Variants in PTPRM observed in about 807,000 individuals in gnomAD.
The protein encoded by PTPRM is receptor-type tyrosine-protein phosphatase mu.
A neutral mutation model predicts 186.7 loss-of-function variants in PTPRM; 47 were observed. The observed-to-expected ratio is 0.25, with a 90% CI of 0.20 to 0.32. PTPRM has a LOEUF of 0.32. PTPRM is among the 10% of genes least tolerant of loss of function. The pLI, the probability that PTPRM is intolerant of heterozygous loss-of-function variation, is 1.00. For synonymous variants in PTPRM, 668 were observed against 674.9 expected, an observed-to-expected ratio of 0.99 and a Z score of 0.16; for missense variants, 1,494 against 1,865.0, an observed-to-expected ratio of 0.80 and a Z score of 3.66.
intron 7 of PTPRM, among the ~76,000 whole-genome samples, chr18:7,992,800 C>G (rs1220989869): frequency 6.6e-6 from 1 of 151,632 alleles, no homozygotes; most frequent in South Asian, 2.1e-4. Flanking sequence ...AAATAAAGAC[C>G]CAAAAACCTT....
At chr18:8,223,019 T>C (rs1353304667) in intron 14 of PTPRM, among the ~76,000 whole-genome samples, 1 of 151,962 alleles carries the variant, frequency 6.6e-6, no homozygotes, top group Non-Finnish European at 1.5e-5. Flanking sequence ...AGGTCAGGAG[T>C]TCGAGACCAG....
chr18:8,069,918 C>T lies in PTPRM; in HGVS notation c.1365C>T (p.Val455=). The change falls in exon 8 of 33, where the codon GTC becomes GTT. Residue 455 remains valine, a synonymous_variant. Transcript: ENST00000580170. ...TITNLSPYTN[V]SVKLILMNPE... ...CTAACCTGTCACCATACACCAATGT[C>T]AGTGTGAAACTGATCCTCATGAACC... 1 of 1,613,996 alleles carries T rather than the reference C, an allele frequency of 6.2e-7. No individual in the cohort carries two copies. The highest frequency in any genetic ancestry group is 8.5e-7 in the Non-Finnish European group (1 of 1,179,874).
In PTPRM at chr18:7,567,644, C is replaced by T; in HGVS notation, c.-175C>T. The T allele has an allele frequency of 1.9e-6, 1 of 538,502 alleles. No individual in the cohort carries two copies. The highest frequency in any genetic ancestry group is 3.1e-6 in the Non-Finnish European group (1 of 320,332). The allele number at this position is 538,502 out of a possible 1,614,324, so 33.4% of individuals were successfully genotyped here. A position where few individuals can be genotyped will look rare whatever the true frequency, so the allele number is the denominator to read the frequency against. On this transcript the variant is annotated 5_prime_UTR_variant, in exon 1 of 33. Transcript: ENST00000580170. This position sits in a 1 kb window ranked among gnomAD's most constrained non-coding sequence, Gnocchi z 4.3. ...GGACCCAGGACCCTGTGCCCGCGCC[C>T]CTGGAGCCGCTGGAGTTCGGACTTC...
intron 7 of PTPRM, among the ~76,000 whole-genome samples, chr18:8,023,903 G>A (rs1394077995): frequency 6.7e-6 from 1 of 149,558 alleles, no homozygotes; most frequent in East Asian, 1.9e-4. Flanking sequence ...ACCATTTTCT[G>A]GCTTTGGATT....
chr18:7,746,859 G>T (rs753188944), intron 1 of PTPRM, among the ~76,000 whole-genome samples: 1 of 152,118 alleles, frequency 6.6e-6, no homozygotes, highest in Admixed American at 6.5e-5. Context: ...TGGTTCTGTG[G>T]CCAGCTTGCT....
At chr18:8,344,956 C>G (rs2148278558) in intron 23 of PTPRM, among the ~76,000 whole-genome samples, 1 of 152,166 alleles carries the variant, frequency 6.6e-6, no homozygotes, top group East Asian at 1.9e-4. Context: ...CCAGCCAGCC[C>G]AGGGAATTGG....
intron 2 of PTPRM, among the ~76,000 whole-genome samples, chr18:7,845,964 T>C (rs1056671598): frequency 6.6e-6 from 1 of 152,184 alleles, no homozygotes; most frequent in Non-Finnish European, 1.5e-5. Context: ...CTGACCCTAT[T>C]TGAAACAGCT....
At chr18:7,913,374 T>A (rs1386261985) in intron 4 of PTPRM, among the ~76,000 whole-genome samples, 3 of 152,168 alleles carry the variant, frequency 2.0e-5, no homozygotes, top group African/African-American at 7.2e-5. Flanking sequence ...AGTACAATGT[T>A]GAATAGAAGC....
chr18:8,007,110 C>T (rs1600026409), intron 7 of PTPRM, among the ~76,000 whole-genome samples: 2 of 152,166 alleles, frequency 1.3e-5, no homozygotes, highest in African/African-American at 2.4e-5. Context: ...CTTGCTGATT[C>T]TGAATCTCAG....
At chr18:7,871,386 A>C (rs1599186810) in intron 2 of PTPRM, among the ~76,000 whole-genome samples, 1 of 152,160 alleles carries the variant, frequency 6.6e-6, no homozygotes, top group Non-Finnish European at 1.5e-5. Context: ...TGCGTTAGCC[A>C]TTGTTTTCTG....
chr18:7,707,537 GT>G (rs1269255931), intron 1 of PTPRM, among the ~76,000 whole-genome samples: 15 of 152,060 alleles, frequency 9.9e-5, no homozygotes, highest in Non-Finnish European at 2.1e-4. Context: ...TACTCAGGAG[GT>G]TGAGGTGGGG....
chr18:8,107,647 C>G (rs1166833611), intron 11 of PTPRM, among the ~76,000 whole-genome samples: 1 of 152,154 alleles, frequency 6.6e-6, no homozygotes, highest in East Asian at 1.9e-4. Context: ...GCTTGTGGTG[C>G]CCCACAAATA....
intron 1 of PTPRM, among the ~76,000 whole-genome samples, chr18:7,675,674 A>T (rs1363450088): frequency 6.6e-6 from 1 of 151,430 alleles, no homozygotes; most frequent in Non-Finnish European, 1.5e-5. Context: ...ACCTTTGGAG[A>T]TATTCGGCAT....
intron 5 of PTPRM, among the ~76,000 whole-genome samples, chr18:7,948,799 G>C (rs1274494460): frequency 2.0e-5 from 3 of 152,152 alleles, no homozygotes; most frequent in Non-Finnish European, 2.9e-5. Context: ...AGGATAGTGG[G>C]TGAGCTACTT....
At position 7,684,428 on chromosome 18, in the gene PTPRM, C is replaced by A. The variant is rs76175297; in HGVS notation, c.74-89721C>A. 1.6e-3 allele frequency among the ~76,000 whole-genome samples: 249 copies of A among 152,178 alleles called. 7 individuals carry two copies. The East Asian group carries it at 0.046, about 28-fold the overall frequency. On this transcript the variant is annotated intron_variant, in intron 1 of 32. Transcript: ENST00000580170. ...CCATATGTTATTGTTGATTATGGTA[C>A]AATATAGTACAGCAGATCTCTAGAA...
intron 7 of PTPRM, among the ~76,000 whole-genome samples, chr18:7,963,541 TC>T (rs2053821197): frequency 6.6e-6 from 1 of 152,248 alleles, no homozygotes; most frequent in African/African-American, 2.4e-5. Context: ...CTAACAGTGC[TC>T]CTCAACTTCC....
intron 30 of PTPRM, 129 bp downstream of exon 30, chr18:8,384,815 A>C: frequency 2.6e-6 from 3 of 1,176,272 alleles, no homozygotes; most frequent in Non-Finnish European, 3.6e-6. Flanking sequence ...AACCAAAAAA[A>C]CATAGATTCC....
At chr18:7,937,188 A>G (rs888501370) in intron 5 of PTPRM, among the ~76,000 whole-genome samples, 1 of 152,212 alleles carries the variant, frequency 6.6e-6, no homozygotes. Flanking sequence ...CAGGGCTGAA[A>G]CATGCTCCTT....
chr18:7,889,882 G>C (rs563151494), intron 3 of PTPRM, among the ~76,000 whole-genome samples: 34 of 152,154 alleles, frequency 2.2e-4, no homozygotes, highest in Non-Finnish European at 4.0e-4. Context: ...TTATTTTGGG[G>C]GCTCTGTGGA....
Sources: gnomAD v4.1 joint callset for allele counts (sites outside exome capture counted in the v4.1 genomes callset) on GRCh38, gnomAD v4.1.1 for gene constraint, Gnocchi (gnomAD v3.1) non-coding constraint, MANE v1.5 for transcripts, NCBI Gene and HGNC (gene_info 2026-07-23, HGNC 2026-07-21) for gene names.